Variants in DIAPH2 observed in about 807,000 individuals in gnomAD.
DIAPH2 encodes protein diaphanous homolog 2.
Under a neutral mutation model 92.7 loss-of-function variants are expected in DIAPH2, and 35 were observed. The ratio of observed to expected loss-of-function variants is 0.38; its 90% CI spans 0.29 to 0.50. DIAPH2 has a LOEUF of 0.50. Among genes scored for constraint, DIAPH2 ranks in the 20% least tolerant of loss-of-function variants. The pLI, the probability that DIAPH2 is intolerant of heterozygous loss-of-function variation, is 0.94. For missense variants in DIAPH2, 701 were observed against 819.5 expected (o/e 0.86, Z 1.77); for synonymous variants, 301 against 280.4 (o/e 1.07, Z -0.73).
chrX:97,053,672 G>T (rs958252433), intron 17 of DIAPH2, among the ~76,000 whole-genome samples: 1 of 111,355 alleles, frequency 9.0e-6, no homozygotes, highest in Admixed American at 9.6e-5. Context: ...ATGTTCTGTC[G>T]ATAGTTCAAG....
At position 97,568,482 on chromosome X, in the gene DIAPH2, A is replaced by G. The variant is rs1016663088; in HGVS notation, c.3242-30771A>G. Among the ~76,000 whole-genome samples the G allele has an allele frequency of 7.2e-5, 8 of 111,832 alleles. No homozygotes were observed. In the East Asian group the frequency reaches 2.2e-3, roughly 31 times the overall value. ...CTCTGAGAAAGTTTTCTAACTCATC[A>G]CTTAACATTATGAATACTGAATTGG... On this transcript the variant is annotated intron_variant, in intron 26 of 26. Coordinates refer to ENST00000324765, the MANE Select transcript of DIAPH2 (RefSeq NM_006729.5).
At chrX:97,296,505 T>C (rs2068644418) in intron 23 of DIAPH2, among the ~76,000 whole-genome samples, 1 of 112,098 alleles carries the variant, frequency 8.9e-6, no homozygotes, top group Non-Finnish European at 1.9e-5. Flanking sequence ...TATTGCTTGT[T>C]TTCCCTCTGA....
intron 17 of DIAPH2, among the ~76,000 whole-genome samples, chrX:96,967,837 A>G (rs1390297799): frequency 1.8e-5 from 2 of 111,876 alleles, no homozygotes; most frequent in African/African-American, 3.3e-5. Flanking sequence ...TCGCTATTGT[A>G]AACAGTGCTG....
chrX:97,114,197 A>G (rs1213205190), intron 20 of DIAPH2, among the ~76,000 whole-genome samples: 2 of 111,778 alleles, frequency 1.8e-5, no homozygotes, highest in East Asian at 5.5e-4. Context: ...GTATATATAA[A>G]TAGTATATTT....
chrX:97,418,690 A>G (rs1220882938), intron 25 of DIAPH2, among the ~76,000 whole-genome samples: 1 of 111,896 alleles, frequency 8.9e-6, no homozygotes, highest in Non-Finnish European at 1.9e-5. Flanking sequence ...ATAGGTAAGG[A>G]GCTAGGTCTT....
At chrX:97,497,516 G>A (rs5921838) in intron 26 of DIAPH2, among the ~76,000 whole-genome samples, 8,716 of 106,850 alleles carry the variant, frequency 0.082, 456 homozygotes, top group African/African-American at 0.19. Context: ...TTAATATTGT[G>A]TAACGGAGGC....
chrX:97,398,414 T>A (rs1488631200), intron 25 of DIAPH2, among the ~76,000 whole-genome samples: 1 of 111,680 alleles, frequency 9.0e-6, no homozygotes, highest in Non-Finnish European at 1.9e-5. Context: ...CAGCCTGTAC[T>A]TTTAAGTAAT....
At chrX:96,908,947 A>G (rs1333424172) in intron 5 of DIAPH2, among the ~76,000 whole-genome samples, 1 of 111,354 alleles carries the variant, frequency 9.0e-6, no homozygotes, top group Non-Finnish European at 1.9e-5. Flanking sequence ...AGGGCACAGT[A>G]TGGTTGGGAG....
intron 4 of DIAPH2, among the ~76,000 whole-genome samples, chrX:96,802,528 G>C (rs2064590560): frequency 9.0e-6 from 1 of 111,501 alleles, no homozygotes; most frequent in African/African-American, 3.3e-5. Context: ...TTGTGTTTTT[G>C]GTATGAATGC....
chrX:97,348,602 G>A (rs752689045), intron 24 of DIAPH2, among the ~76,000 whole-genome samples: 27 of 111,883 alleles, frequency 2.4e-4, no homozygotes, highest in Middle Eastern at 9.3e-3. Context: ...ATAATTTCAC[G>A]TAGCGTAAAC....
At chrX:96,685,532 C>T (rs1482957668) in intron 1 of DIAPH2, among the ~76,000 whole-genome samples, 1 of 113,030 alleles carries the variant, frequency 8.8e-6, no homozygotes, top group African/African-American at 3.2e-5. Flanking sequence ...ATTCCATTCT[C>T]CTCCCACTTC....
intron 23 of DIAPH2, among the ~76,000 whole-genome samples, chrX:97,248,820 T>C (rs1396307304): frequency 4.5e-5 from 5 of 111,946 alleles, no homozygotes; most frequent in Non-Finnish European, 7.5e-5. Context: ...GAACTCGAAT[T>C]ACTTAAGAAT....
intron 25 of DIAPH2, among the ~76,000 whole-genome samples, chrX:97,384,290 A>G (rs1014508782): frequency 3.6e-5 from 4 of 111,505 alleles, no homozygotes; most frequent in African/African-American, 1.3e-4. Context: ...TTTTCTTGCC[A>G]TAGTATATTA....
chrX:97,544,362 A>G (rs773549702), intron 26 of DIAPH2, among the ~76,000 whole-genome samples: 71 of 112,540 alleles, frequency 6.3e-4, no homozygotes, highest in African/African-American at 2.2e-3. Flanking sequence ...CATGACATAG[A>G]GTATCTCAAA....
chrX:97,547,652 C>T (rs1466032494), intron 26 of DIAPH2, among the ~76,000 whole-genome samples: 2 of 112,451 alleles, frequency 1.8e-5, no homozygotes, highest in African/African-American at 6.5e-5. Flanking sequence ...TCCTTTTTTA[C>T]ATGCCTCATT....
intron 17 of DIAPH2, among the ~76,000 whole-genome samples, chrX:97,058,130 A>G (rs1423483366): frequency 9.0e-6 from 1 of 111,640 alleles, no homozygotes; most frequent in Non-Finnish European, 1.9e-5. Context: ...GTTGAACAGT[A>G]TAATCTCTTT....
intron 1 of DIAPH2, among the ~76,000 whole-genome samples, chrX:96,693,009 T>G (rs759944752): frequency 2.7e-5 from 3 of 111,909 alleles, no homozygotes; most frequent in Non-Finnish European, 5.6e-5. Flanking sequence ...GGCTTACAAT[T>G]GAAAATCAGA....
chrX:96,963,349 G>A (rs1396672584), intron 16 of DIAPH2, among the ~76,000 whole-genome samples: 1 of 110,113 alleles, frequency 9.1e-6, no homozygotes, highest in South Asian at 4.1e-4. Context: ...TGGAGATAGA[G>A]TATCATTCAT....
intron 4 of DIAPH2, among the ~76,000 whole-genome samples, chrX:96,818,977 A>C (rs2064759807): frequency 8.9e-6 from 1 of 112,394 alleles, no homozygotes; most frequent in Non-Finnish European, 1.9e-5. Context: ...GGAGTGCACA[A>C]CCTAGATACT....
Sources: gnomAD v4.1 joint callset for allele counts (sites outside exome capture counted in the v4.1 genomes callset) on GRCh38, gnomAD v4.1.1 for gene constraint, MANE v1.5 for transcripts, NCBI Gene and HGNC (gene_info 2026-07-23, HGNC 2026-07-21) for gene names.